Variants in RYR3 observed in about 807,000 individuals in gnomAD.
RYR3 encodes the protein ryanodine receptor 3, also known as brain ryanodine receptor-calcium release channel.
A neutral mutation model predicts 584.3 loss-of-function variants in RYR3; 207 were observed. That is an observed-to-expected ratio of 0.35 (90% CI 0.32 to 0.40). RYR3 has a LOEUF of 0.40. Among genes scored for constraint, RYR3 ranks in the 10% least tolerant of loss-of-function variants. The pLI, the probability that RYR3 is intolerant of heterozygous loss-of-function variation, is 1.00. For synonymous variants in RYR3, 2,416 were observed against 2,248.5 expected (o/e 1.07, Z -2.11); for missense variants, 5,616 against 6,089.2 (o/e 0.92, Z 2.59).
chr15:33,799,933 T>TC (rs1253631105), intron 67 of RYR3, among the ~76,000 whole-genome samples: 2 of 80,952 alleles, frequency 2.5e-5, no homozygotes, highest in African/African-American at 1.1e-4. Context: ...CAGTGGGGGT[T>TC]TTTTGTTTGT....
chr15:33,655,192 T>C (rs919583824), intron 32 of RYR3, among the ~76,000 whole-genome samples: 4 of 152,220 alleles, frequency 2.6e-5, no homozygotes, highest in Admixed American at 6.5e-5. Flanking sequence ...AAGCCAGGCT[T>C]TGAGGCAGAA....
chr15:33,848,926 C>T (rs1324739154), intron 94 of RYR3: 1 of 149,906 alleles, frequency 6.7e-6, no homozygotes, highest in African/African-American at 2.5e-5. Context: ...AGCTCTGCCT[C>T]CCGGGTTCAC....
intron 2 of RYR3, among the ~76,000 whole-genome samples, chr15:33,488,617 A>G (rs371299078): frequency 1.3e-5 from 2 of 152,084 alleles, no homozygotes; most frequent in Non-Finnish European, 2.9e-5. Flanking sequence ...ACTTGGGAGG[A>G]CAAGGCGGGC....
chr15:33,725,264 G>A (rs930686155), intron 45 of RYR3, among the ~76,000 whole-genome samples: 18 of 151,616 alleles, frequency 1.2e-4, no homozygotes, highest in African/African-American at 4.1e-4. Flanking sequence ...GTGAGGGAAG[G>A]ATGCCATCAT....
At chr15:33,771,376 A>G (rs556158154) in intron 62 of RYR3, among the ~76,000 whole-genome samples, 1 of 152,238 alleles carries the variant, frequency 6.6e-6, no homozygotes, top group African/African-American at 2.4e-5. Context: ...TCTACTAAAA[A>G]TACAAAAATT....
At chr15:33,734,209 C>G (rs1033058814) in intron 48 of RYR3, among the ~76,000 whole-genome samples, 1 of 152,136 alleles carries the variant, frequency 6.6e-6, no homozygotes, top group Non-Finnish European at 1.5e-5. Flanking sequence ...TATGTTACTG[C>G]TTCATTCAAC....
At chr15:33,548,607 G>A (rs185449925) in intron 9 of RYR3, among the ~76,000 whole-genome samples, 5 of 152,268 alleles carry the variant, frequency 3.3e-5, no homozygotes, top group Admixed American at 2.0e-4. Flanking sequence ...AGGTGGTCGC[G>A]ATTGCATAAG....
chr15:33,519,625 G>GTT (rs5811766), intron 3 of RYR3, among the ~76,000 whole-genome samples: 3 of 146,302 alleles, frequency 2.1e-5, no homozygotes, highest in Non-Finnish European at 3.0e-5. Flanking sequence ...CTTTTATGTT[G>GTT]TTTTTTTTTT....
chr15:33,828,138 G>C (rs2059955), intron 85 of RYR3, among the ~76,000 whole-genome samples: 1 of 151,930 alleles, frequency 6.6e-6, no homozygotes, highest in South Asian at 2.1e-4. Context: ...AGTGATCTTC[G>C]ATGTTACTAT....
At chr15:33,315,803 A>G (rs989610486) in intron 1 of RYR3, among the ~76,000 whole-genome samples, 1 of 152,186 alleles carries the variant, frequency 6.6e-6, no homozygotes, top group Non-Finnish European at 1.5e-5. Flanking sequence ...CTGCCAAGGC[A>G]AGATTGCCAT....
intron 12 of RYR3, among the ~76,000 whole-genome samples, chr15:33,579,572 C>A (rs2058488937): frequency 6.6e-6 from 1 of 152,104 alleles, no homozygotes; most frequent in African/African-American, 2.4e-5. Flanking sequence ...GAAGGGGAAG[C>A]ATCTGCTATA....
intron 66 of RYR3, among the ~76,000 whole-genome samples, chr15:33,787,029 G>A (rs2074773485): frequency 6.6e-6 from 1 of 152,142 alleles, no homozygotes; most frequent in Non-Finnish European, 1.5e-5. Flanking sequence ...ATTAAGGGAA[G>A]GAAAGGTTTC....
intron 1 of RYR3, among the ~76,000 whole-genome samples, chr15:33,439,291 A>C (rs549959661): frequency 6.6e-6 from 1 of 152,292 alleles, no homozygotes; most frequent in South Asian, 2.1e-4. Flanking sequence ...CATATTGCAC[A>C]GTACAATGTC....
Position 33,826,662 on chromosome 15 carries a change from T to C in RYR3, c.11165-10T>C. On this transcript the variant is annotated splice_polypyrimidine_tract_variant and intron_variant, in intron 83 of 103. Transcript: ENST00000634891. The stretch of plus-strand genomic sequence containing the variant: ...CAAACCAATGCTCATCAACGTTCTG[T>C]GTTTTCAAGGTGAAAAAGTACTCCA... 1 of 1,610,794 alleles carries C rather than the reference T, an allele frequency of 6.2e-7. No individual in the cohort carries two copies. Among genetic ancestry groups the C allele is most frequent in the South Asian group, 1.1e-5 (1 of 91,036 alleles).
intron 64 of RYR3, among the ~76,000 whole-genome samples, chr15:33,779,121 G>T (rs2074218032): frequency 6.6e-6 from 1 of 152,064 alleles, no homozygotes; most frequent in South Asian, 2.1e-4. Context: ...TATATCTCAA[G>T]GAGAGCACTT....
At chr15:33,861,318 A>C (rs190467082) in intron 102 of RYR3, 140 bp downstream of exon 102, 4 of 583,302 alleles carry the variant, frequency 6.9e-6, no homozygotes, top group South Asian at 3.8e-5. Context: ...ACCTTTGTCC[A>C]TAGACTCTGT....
At chr15:33,348,999 A>G (rs1240221767) in intron 1 of RYR3, among the ~76,000 whole-genome samples, 3 of 151,270 alleles carry the variant, frequency 2.0e-5, no homozygotes, top group Admixed American at 1.3e-4. Flanking sequence ...CCGAAAGGTC[A>G]TGTAATTGGA....
chr15:33,404,486 T>C (rs908474644), intron 1 of RYR3, among the ~76,000 whole-genome samples: 6 of 152,328 alleles, frequency 3.9e-5, no homozygotes, highest in Admixed American at 2.6e-4. Context: ...TGGTTGTTTA[T>C]GGCAGAACTA....
chr15:33,600,409 CTG>C (rs1320843360), intron 16 of RYR3, among the ~76,000 whole-genome samples: 4 of 152,076 alleles, frequency 2.6e-5, no homozygotes, highest in Admixed American at 1.3e-4. Flanking sequence ...GCATTCCTCT[CTG>C]TGAAGGAGAG....
Sources: allele counts gnomAD v4.1 joint callset (sites outside exome capture counted in the v4.1 genomes callset), GRCh38; gene constraint gnomAD v4.1.1; transcripts MANE v1.5; gene names NCBI Gene and HGNC (gene_info 2026-07-23, HGNC 2026-07-21).